SORCS2: variants seen among roughly 807,000 people sequenced by gnomAD.
SORCS2 encodes VPS10 domain-containing receptor SorCS2.
A neutral mutation model predicts 141.6 loss-of-function variants in SORCS2; 100 were observed. The ratio of observed to expected loss-of-function variants is 0.71; its 90% CI spans 0.60 to 0.83. The LOEUF is 0.83. Ranked by LOEUF, SORCS2 falls within the 40% of genes least tolerant of loss-of-function variation. SORCS2 has a pLI of 0.00. For missense variants in SORCS2, 1,646 were observed against 1,560.2 expected, an observed-to-expected ratio of 1.05 and a Z score of -0.93; for synonymous variants, 789 against 676.9, an observed-to-expected ratio of 1.17 and a Z score of -2.57.
At chr4:7,582,151 T>C (rs571664432) in intron 3 of SORCS2, among the ~76,000 whole-genome samples, 3 of 152,224 alleles carry the variant, frequency 2.0e-5, no homozygotes, top group Non-Finnish European at 4.4e-5. Flanking sequence ...TTAATTCCAA[T>C]ATGCAAAAGA....
At chr4:7,196,774 T>C (rs1240518249) in intron 1 of SORCS2, among the ~76,000 whole-genome samples, 3 of 152,174 alleles carry the variant, frequency 2.0e-5, no homozygotes, top group Non-Finnish European at 2.9e-5. Flanking sequence ...GCAATCTTGA[T>C]GAACCCGATA....
intron 2 of SORCS2, among the ~76,000 whole-genome samples, chr4:7,527,055 TG>T (rs1480567026): frequency 6.6e-6 from 1 of 152,204 alleles, no homozygotes; most frequent in Non-Finnish European, 1.5e-5. Context: ...TGCGGGTCAG[TG>T]GTGCTGCCCG....
At chr4:7,475,130 G>A (rs1730211004) in intron 2 of SORCS2, among the ~76,000 whole-genome samples, 1 of 152,104 alleles carries the variant, frequency 6.6e-6, no homozygotes, top group Non-Finnish European at 1.5e-5. Flanking sequence ...ACCTTTTAGG[G>A]GCACCCGATT....
chr4:7,605,714 A>G (rs1004977345), intron 3 of SORCS2, among the ~76,000 whole-genome samples: 1 of 152,002 alleles, frequency 6.6e-6, no homozygotes, highest in African/African-American at 2.4e-5. Context: ...GCTGTTTCAC[A>G]TCTGCCTCTG....
At chr4:7,272,219 G>T (rs1715192899) in intron 1 of SORCS2, among the ~76,000 whole-genome samples, 1 of 152,160 alleles carries the variant, frequency 6.6e-6, no homozygotes, top group African/African-American at 2.4e-5. Context: ...AGTTTCTCCA[G>T]GCTAGGAGAG....
chr4:7,193,479 C>A lies in SORCS2; in HGVS notation c.480+353C>A, dbSNP rs756979357. ...GGTCCTTGAGGGTACCCCAGCTCGGCGTTACCTCCCCTGCCCCCAGACTCC... is the reference window on the plus strand; with the variant it reads ...GGTCCTTGAGGGTACCCCAGCTCGGAGTTACCTCCCCTGCCCCCAGACTCC... On this transcript the variant is annotated intron_variant, in intron 1 of 26. Coordinates refer to ENST00000507866, the MANE Select transcript of SORCS2 (RefSeq NM_020777.3). This position sits in a 1 kb window ranked among gnomAD's most constrained non-coding sequence, Gnocchi z 4.8. Among the ~76,000 whole-genome samples the A allele has an allele frequency of 2.6e-5, 4 of 152,284 alleles. No homozygotes were observed. The highest frequency in any genetic ancestry group is 4.4e-5 in the Non-Finnish European group (3 of 68,022).
intron 1 of SORCS2, among the ~76,000 whole-genome samples, chr4:7,322,790 A>C (rs1718979404): frequency 6.6e-6 from 1 of 152,144 alleles, no homozygotes; most frequent in Non-Finnish European, 1.5e-5. Flanking sequence ...TGACTTTCAA[A>C]TGAGGTGCTG....
chr4:7,536,655 G>A (rs922421805), intron 3 of SORCS2, among the ~76,000 whole-genome samples: 2 of 152,194 alleles, frequency 1.3e-5, no homozygotes, highest in African/African-American at 4.8e-5. Flanking sequence ...GATGTGATGG[G>A]CTGGGCTGGG....
intron 2 of SORCS2, among the ~76,000 whole-genome samples, chr4:7,419,785 G>A (rs2109185042): frequency 6.6e-6 from 1 of 152,332 alleles, no homozygotes; most frequent in Non-Finnish European, 1.5e-5. Context: ...GTAGATGGAA[G>A]CCAGATCTCT....
At chr4:7,562,269 C>A (rs1378230327) in intron 3 of SORCS2, among the ~76,000 whole-genome samples, 2 of 152,062 alleles carry the variant, frequency 1.3e-5, no homozygotes, top group African/African-American at 4.8e-5. Flanking sequence ...GGGAAAGAGG[C>A]TGCCCTGAGG....
intron 1 of SORCS2, among the ~76,000 whole-genome samples, chr4:7,259,796 A>G (rs944518572): frequency 3.9e-5 from 6 of 152,188 alleles, no homozygotes; most frequent in Admixed American, 2.0e-4. Context: ...ACAGATGAGG[A>G]CCTGAGACTC....
At chr4:7,465,619 T>C (rs2109333909) in intron 2 of SORCS2, among the ~76,000 whole-genome samples, 1 of 152,320 alleles carries the variant, frequency 6.6e-6, no homozygotes. Flanking sequence ...TCGTTTTTTC[T>C]CCTTTATAAA....
chr4:7,436,424 G>C (rs1286928771), intron 2 of SORCS2, among the ~76,000 whole-genome samples: 1 of 152,236 alleles, frequency 6.6e-6, no homozygotes, highest in Non-Finnish European at 1.5e-5. Flanking sequence ...CTGCCCCTTG[G>C]CGTGAACGCA....
chr4:7,423,338 G>C (rs1209219083), intron 2 of SORCS2, among the ~76,000 whole-genome samples: 1 of 152,182 alleles, frequency 6.6e-6, no homozygotes, highest in African/African-American at 2.4e-5. Flanking sequence ...CAGGCTCAAG[G>C]GAGCAGCATC....
At chr4:7,261,646 G>A (rs1274744699) in intron 1 of SORCS2, among the ~76,000 whole-genome samples, 1 of 152,248 alleles carries the variant, frequency 6.6e-6, no homozygotes, top group African/African-American at 2.4e-5. Context: ...TAAGGAAGCT[G>A]CAATTGATTA....
intron 11 of SORCS2, among the ~76,000 whole-genome samples, chr4:7,695,332 A>T (rs71612276): frequency 1.2e-4 from 5 of 43,284 alleles, no homozygotes; most frequent in Non-Finnish European, 8.7e-5. Context: ...GGATGGATGG[A>T]TGGATGGATG....
intron 4 of SORCS2, among the ~76,000 whole-genome samples, chr4:7,639,917 G>A (rs1720549117): frequency 1.0e-5 from 1 of 95,430 alleles, no homozygotes; most frequent in African/African-American, 3.8e-5. Context: ...GTGGGTGTGT[G>A]TGTGTTTGTG....
chr4:7,670,714 C>A (rs541340411), intron 8 of SORCS2, among the ~76,000 whole-genome samples: 2 of 152,322 alleles, frequency 1.3e-5, no homozygotes, highest in South Asian at 2.1e-4. Context: ...ATAATGTCAG[C>A]TCTTAGCCTG....
At chr4:7,400,321 T>C (rs1443825398) in intron 2 of SORCS2, among the ~76,000 whole-genome samples, 1 of 152,212 alleles carries the variant, frequency 6.6e-6, no homozygotes, top group Non-Finnish European at 1.5e-5. Flanking sequence ...CCCCAGGTAC[T>C]GGATCCTGCC....
Sources: allele counts gnomAD v4.1 joint callset (sites outside exome capture counted in the v4.1 genomes callset), GRCh38; gene constraint gnomAD v4.1.1; non-coding constraint Gnocchi (gnomAD v3.1); transcripts MANE v1.5; gene names NCBI Gene and HGNC (gene_info 2026-07-23, HGNC 2026-07-21).